KIF18A: variants seen among roughly 807,000 people sequenced by gnomAD.
KIF18A encodes kinesin-like protein KIF18A.
Under a neutral mutation model 103.3 loss-of-function variants are expected in KIF18A, and 67 were observed. That is an observed-to-expected ratio of 0.65 (90% CI 0.53 to 0.79). KIF18A has a LOEUF of 0.79. Ranked by LOEUF, KIF18A falls within the 30% of genes least tolerant of loss-of-function variation. KIF18A has a pLI of 0.00. For missense variants in KIF18A, 1,032 were observed against 1,062.5 expected (o/e 0.97, Z 0.40); for synonymous variants, 367 against 355.5 (o/e 1.03, Z -0.36).
intron 13 of KIF18A, among the ~76,000 whole-genome samples, chr11:28,045,401 GA>G (rs942376298): frequency 8.7e-4 from 121 of 139,508 alleles, no homozygotes; most frequent in African/African-American, 2.5e-3. Flanking sequence ...AGAAAAAAAG[GA>G]AAAAAAAAAA....
intron 15 of KIF18A, among the ~76,000 whole-genome samples, chr11:28,034,975 C>T (rs1001220878): frequency 6.6e-6 from 1 of 151,578 alleles, no homozygotes; most frequent in Non-Finnish European, 1.5e-5. Flanking sequence ...AAAGTCTCTT[C>T]ACTCATTATA....
Position 28,082,874 on chromosome 11 carries a change from T to C in KIF18A, c.1244A>G (p.Gln415Arg). The change falls in exon 9 of 17, where the codon CAG becomes CGG. Residue 415 changes from glutamine (Q) to arginine (R), a missense_variant. By Grantham distance (43) the Gln-to-Arg change is conservative. Coordinates refer to ENST00000263181, the MANE Select transcript of KIF18A (RefSeq NM_031217.4). ...DQAKLMISNP[Q>R]EKEIERFQEI... ...TGTTTACCTTTCGATTTCTTTTTCC[T>C]GAGGGTTTGAAATCATTAACTTTGC... 6.3e-7 allele frequency: 1 copy of C among 1,591,768 alleles called. No homozygotes were observed. Among genetic ancestry groups the C allele is most frequent in the South Asian group, 1.1e-5 (1 of 88,238 alleles).
At chr11:28,021,513 A>AT (rs1470773718) in intron 16 of KIF18A, among the ~76,000 whole-genome samples, 2 of 152,226 alleles carry the variant, frequency 1.3e-5, no homozygotes, top group African/African-American at 4.8e-5. Context: ...GTGCGTGCAC[A>AT]TACACAGACA....
rs552770800 is a variant in KIF18A at position 28,062,438 on chromosome 11, C to A, written c.1669G>T (p.Asp557Tyr). Residue 557 changes from aspartate to tyrosine, a missense_variant, in exon 12 of 17, where the codon GAT becomes TAT. Physicochemically the swap from Asp to Tyr is radical, Grantham distance 160. Transcript: ENST00000263181. ...DLKAQIRHMM[D>Y]LACLQEQQHR... ...TGCTGTTCCTGAAGACAAGCTAGAT[C>A]CATCATATGTCTAATTTGTGCTTTC... is the stretch of plus-strand genomic sequence containing the variant. 7.4e-6 allele frequency: 12 copies of A among 1,611,610 alleles called. No homozygotes were observed. The African/African-American group carries it at 1.6e-4, about 22-fold the overall frequency.
At chr11:28,046,316 A>G (rs1850633065) in intron 13 of KIF18A, among the ~76,000 whole-genome samples, 1 of 149,848 alleles carries the variant, frequency 6.7e-6, no homozygotes, top group African/African-American at 2.5e-5. Context: ...ACAATGATAG[A>G]CTGGATTAAG....
intron 1 of KIF18A, among the ~76,000 whole-genome samples, chr11:28,098,800 C>A (rs1851408186): frequency 6.6e-6 from 1 of 151,552 alleles, no homozygotes; most frequent in Non-Finnish European, 1.5e-5. Context: ...TTGGAAGTCT[C>A]AACTATCCAG....
In KIF18A at chr11:28,055,235, A is replaced by G. The variant is rs185618218; in HGVS notation, c.1948+3691T>C. Reference sequence around the variant, plus strand: ...TTTTCTTAATGTAAAGGTATAATATAGGGAACTTCTGCTAATAATAAAGAT... The same window carrying G: ...TTTTCTTAATGTAAAGGTATAATATGGGGAACTTCTGCTAATAATAAAGAT... On this transcript the variant is annotated intron_variant, in intron 13 of 16. Transcript: ENST00000263181. Among the ~76,000 whole-genome samples, 15 of 152,326 alleles carry G rather than the reference A, an allele frequency of 9.8e-5. 1 individual carries two copies. Among genetic ancestry groups the G allele is most frequent in the Admixed American group, 8.5e-4 (13 of 15,294 alleles).
At chr11:28,093,688 A>G (rs1158768221) in intron 3 of KIF18A, among the ~76,000 whole-genome samples, 1 of 152,174 alleles carries the variant, frequency 6.6e-6, no homozygotes, top group African/African-American at 2.4e-5. Flanking sequence ...TCAATAAAGT[A>G]AAAATGCAGG....
At chr11:28,028,476 C>T (rs1850350035) in intron 15 of KIF18A, among the ~76,000 whole-genome samples, 1 of 152,058 alleles carries the variant, frequency 6.6e-6, no homozygotes, top group African/African-American at 2.4e-5. Flanking sequence ...TTCTTTGAAA[C>T]CAACGAGAAC....
chr11:28,062,337 ACTT>A, intron 12 of KIF18A, 55 bp downstream of exon 12: 1 of 1,453,110 alleles, frequency 6.9e-7, no homozygotes, highest in Non-Finnish European at 9.2e-7. Context: ...GGAAAATTGA[ACTT>A]CTGTGCTTCA....
chr11:28,091,383 A>C (rs1429109070), intron 4 of KIF18A, 26 bp downstream of exon 4: 43 of 1,216,132 alleles, frequency 3.5e-5, no homozygotes, highest in Non-Finnish European at 5.2e-5. Flanking sequence ...CTATTCTAAC[A>C]GGGAAAAAGA....
At position 28,036,448 on chromosome 11, in the gene KIF18A, A is replaced by C. The variant is rs766953630; in HGVS notation, c.2165T>G (p.Leu722Ter). The change falls in exon 14 of 17, where the codon TTA becomes TGA. Residue 722 changes from leucine to a stop codon, truncating the protein, a stop_gained. Coordinates refer to ENST00000263181, the MANE Select transcript of KIF18A (RefSeq NM_031217.4). LOFTEE classifies it high-confidence loss of function. ...TGTAGTAAATGATGATGGTTTCATTAAGGTTACTGTAGACGGATTTTGAAA... is the reference window on the plus strand; with the variant it reads ...TGTAGTAAATGATGATGGTTTCATTCAGGTTACTGTAGACGGATTTTGAAA... ...KAFQNPSTVT[L>*]MKPSSFTTSF... 1.2e-6 allele frequency: 2 copies of C among 1,610,706 alleles called. No homozygotes were observed. The highest frequency in any genetic ancestry group is 3.4e-5 in the Admixed American group (2 of 59,700).
chr11:28,048,659 T>TA (rs1237161594), intron 13 of KIF18A, among the ~76,000 whole-genome samples: 4 of 152,066 alleles, frequency 2.6e-5, no homozygotes, highest in African/African-American at 9.7e-5. Flanking sequence ...AATAAACAAA[T>TA]ATTTATTGCT....
intron 3 of KIF18A, among the ~76,000 whole-genome samples, chr11:28,092,301 G>C (rs1851316876): frequency 6.6e-6 from 1 of 152,060 alleles, no homozygotes; most frequent in South Asian, 2.1e-4. Flanking sequence ...AGGACAGGTG[G>C]TATTTGTTTC....
intron 13 of KIF18A, chr11:28,056,890 A>C: frequency 2.6e-6 from 1 of 378,840 alleles, no homozygotes; most frequent in Non-Finnish European, 5.3e-6. Context: ...TTTAGCTCAC[A>C]TAAGAAAAAT....
At chr11:28,100,788 G>C (rs1362158262) in intron 1 of KIF18A, among the ~76,000 whole-genome samples, 1 of 151,984 alleles carries the variant, frequency 6.6e-6, no homozygotes, top group African/African-American at 2.4e-5. Flanking sequence ...AGGAAGGGAT[G>C]GTCATTTGGA....
intron 4 of KIF18A, among the ~76,000 whole-genome samples, chr11:28,091,149 A>AATAC (rs370389493): frequency 1.1e-3 from 148 of 131,986 alleles, no homozygotes; most frequent in South Asian, 2.1e-3. Context: ...TAAATAAATA[A>AATAC]ATACATACAT....
In KIF18A at chr11:28,097,642, C is replaced by G. The variant is rs1201630561; in HGVS notation, c.306G>C (p.Leu102Phe). 12 of 1,607,170 alleles carry G rather than the reference C, an allele frequency of 7.5e-6. No homozygotes were observed. Among genetic ancestry groups the G allele is most frequent in the Non-Finnish European group, 1.0e-5 (12 of 1,174,232 alleles). ...AAATACCTGTGCAATTATATCCATT[C>G]AAAAAACTACGAAGAATTGGCTTAG... ...HTTKPILRSF[L>F]NGYNCTVLAY... Residue 102 changes from leucine to phenylalanine, a missense_variant, in exon 2 of 17, where the codon TTG (leucine) becomes TTC (phenylalanine). Leu to Phe is a conservative substitution (Grantham distance 22). Coordinates refer to ENST00000263181, the MANE Select transcript of KIF18A (RefSeq NM_031217.4).
At chr11:28,035,089 A>C (rs1308138478) in intron 15 of KIF18A, among the ~76,000 whole-genome samples, 1 of 151,716 alleles carries the variant, frequency 6.6e-6, no homozygotes, top group African/African-American at 2.4e-5. Context: ...TAACGAAATA[A>C]GTAAAAATTG....
Sources: allele counts gnomAD v4.1 joint callset (sites outside exome capture counted in the v4.1 genomes callset), GRCh38; gene constraint gnomAD v4.1.1; transcripts MANE v1.5; gene names NCBI Gene and HGNC (gene_info 2026-07-23, HGNC 2026-07-21).